CTNNA2: variants seen among roughly 807,000 people sequenced by gnomAD.
The protein encoded by CTNNA2 is catenin alpha-2.
In CTNNA2, 42 loss-of-function variants were observed where a neutral mutation model predicts 101.0. The ratio of observed to expected loss-of-function variants is 0.42; its 90% CI spans 0.32 to 0.54. The LOEUF is 0.54. Among genes scored for constraint, CTNNA2 ranks in the 20% least tolerant of loss-of-function variants. CTNNA2 has a pLI of 0.14. For synonymous variants in CTNNA2, 450 were observed against 456.4 expected (o/e 0.99, Z 0.18); for missense variants, 871 against 1,223.1 (o/e 0.71, Z 4.29).
At chr2:79,552,165 G>T (rs916029132) in intron 1 of CTNNA2, among the ~76,000 whole-genome samples, 1 of 152,142 alleles carries the variant, frequency 6.6e-6, no homozygotes, top group Admixed American at 6.5e-5. Context: ...TACAATGTGG[G>T]TACAGGCATT....
At chr2:79,852,935 C>T (rs757498739) in intron 3 of CTNNA2, among the ~76,000 whole-genome samples, 3 of 151,930 alleles carry the variant, frequency 2.0e-5, no homozygotes, top group African/African-American at 4.8e-5. Flanking sequence ...GGTGAAATCT[C>T]GGCTCACTGC....
At chr2:79,952,359 A>G (rs571545469) in intron 7 of CTNNA2, among the ~76,000 whole-genome samples, 1 of 152,302 alleles carries the variant, frequency 6.6e-6, no homozygotes, top group African/African-American at 2.4e-5. Flanking sequence ...AACTTTGCAC[A>G]GGGATGGACA....
chr2:80,046,624 G>A (rs564756589), intron 7 of CTNNA2, among the ~76,000 whole-genome samples: 6 of 152,252 alleles, frequency 3.9e-5, no homozygotes, highest in African/African-American at 7.2e-5. Context: ...AGAAGATGGA[G>A]GAACCATTCA....
intron 2 of CTNNA2, among the ~76,000 whole-genome samples, chr2:79,670,322 C>T (rs906675025): frequency 6.6e-6 from 1 of 152,152 alleles, no homozygotes; most frequent in South Asian, 2.1e-4. Flanking sequence ...GAGGCTCGAT[C>T]CATAGCTACA....
At chr2:80,632,496 A>C (rs1672406491) in intron 18 of CTNNA2, among the ~76,000 whole-genome samples, 1 of 152,112 alleles carries the variant, frequency 6.6e-6, no homozygotes, top group Admixed American at 6.6e-5. Flanking sequence ...TGAGGGCCCC[A>C]AGCATGTTTC....
At chr2:80,482,487 A>G (rs1326751011) in intron 9 of CTNNA2, among the ~76,000 whole-genome samples, 1 of 152,150 alleles carries the variant, frequency 6.6e-6, no homozygotes, top group Non-Finnish European at 1.5e-5. Context: ...TGCCATTGTA[A>G]TGTGAAAGCA....
intron 1 of CTNNA2, among the ~76,000 whole-genome samples, chr2:79,517,721 T>C (rs1432536124): frequency 1.3e-5 from 2 of 152,200 alleles, no homozygotes; most frequent in African/African-American, 4.8e-5. Context: ...TAAATTTGCA[T>C]TATATACCTC....
intron 7 of CTNNA2, among the ~76,000 whole-genome samples, chr2:80,318,699 C>T (rs774710257): frequency 1.3e-5 from 2 of 152,150 alleles, no homozygotes; most frequent in Non-Finnish European, 1.5e-5. Flanking sequence ...AACATTGTCC[C>T]TGGCTTATAG....
chr2:80,347,544 C>T (rs768548847), intron 7 of CTNNA2, among the ~76,000 whole-genome samples: 1 of 152,138 alleles, frequency 6.6e-6, no homozygotes. Flanking sequence ...GCTCCTTAGA[C>T]TCTCAGTAAC....
chr2:80,604,001 C>A, intron 15 of CTNNA2, 73 bp from the exon 16 acceptor site: 1 of 1,299,860 alleles, frequency 7.7e-7, no homozygotes, highest in South Asian at 1.2e-5. Context: ...GACTCCTGGA[C>A]AAAGGATATG....
intron 9 of CTNNA2, among the ~76,000 whole-genome samples, chr2:80,460,858 T>C (rs1347673260): frequency 6.6e-6 from 1 of 152,188 alleles, no homozygotes; most frequent in Non-Finnish European, 1.5e-5. Flanking sequence ...AAATACAGAT[T>C]GTTGGATCTC....
chr2:79,976,634 C>CT, intron 7 of CTNNA2, among the ~76,000 whole-genome samples: 1 of 152,194 alleles, frequency 6.6e-6, no homozygotes, highest in Non-Finnish European at 1.5e-5. Flanking sequence ...ATTACGATTA[C>CT]ATTTTAACCT....
chr2:79,723,264 T>C (rs774052603), intron 2 of CTNNA2, among the ~76,000 whole-genome samples: 12 of 152,152 alleles, frequency 7.9e-5, no homozygotes, highest in Non-Finnish European at 1.5e-4. Flanking sequence ...ACCAGGGATC[T>C]CTAAAAAATC....
intron 1 of CTNNA2, among the ~76,000 whole-genome samples, chr2:79,604,024 G>A (rs1432819331): frequency 6.6e-6 from 1 of 152,196 alleles, no homozygotes; most frequent in Admixed American, 6.5e-5. Context: ...GAAGATGTAT[G>A]AATCCTATGA....
chr2:80,019,221 C>A (rs1357471508), intron 7 of CTNNA2, among the ~76,000 whole-genome samples: 1 of 152,102 alleles, frequency 6.6e-6, no homozygotes, highest in Admixed American at 6.6e-5. Flanking sequence ...ACCAATACCC[C>A]ATGGATACTG....
chr2:80,244,971 A>T (rs1463793232), intron 7 of CTNNA2, among the ~76,000 whole-genome samples: 1 of 152,210 alleles, frequency 6.6e-6, no homozygotes, highest in African/African-American at 2.4e-5. Flanking sequence ...GTTTATGTGC[A>T]TGTGACAAAG....
chr2:79,881,316 T>A (rs1481511172), intron 6 of CTNNA2, among the ~76,000 whole-genome samples: 1 of 152,216 alleles, frequency 6.6e-6, no homozygotes, highest in Non-Finnish European at 1.5e-5. Context: ...TCTGTAGATG[T>A]CTATTAGGTA....
chr2:80,405,145 C>T (rs1201222005), intron 8 of CTNNA2, among the ~76,000 whole-genome samples: 2 of 152,122 alleles, frequency 1.3e-5, no homozygotes, highest in East Asian at 1.9e-4. Context: ...CTGTTTGTAT[C>T]TGGTTATGTA....
At chr2:79,638,008 G>T (rs1365356288) in intron 1 of CTNNA2, among the ~76,000 whole-genome samples, 1 of 152,214 alleles carries the variant, frequency 6.6e-6, no homozygotes, top group Non-Finnish European at 1.5e-5. Context: ...CTTCCTCCAT[G>T]ACTGTCTGAT....
Sources: gnomAD v4.1 joint callset for allele counts (sites outside exome capture counted in the v4.1 genomes callset) on GRCh38, gnomAD v4.1.1 for gene constraint, MANE v1.5 for transcripts, NCBI Gene and HGNC (gene_info 2026-07-23, HGNC 2026-07-21) for gene names.